Variants in OR1J2 observed in about 807,000 individuals in gnomAD.
OR1J2 encodes olfactory receptor family 1 subfamily J member 2, also known as olfactory receptor 1J2.
For synonymous variants in OR1J2, 142 were observed against 99.7 expected (o/e 1.42, Z -2.52); for missense variants, 304 against 246.1 (o/e 1.24, Z -1.57).
chr9:122,523,495 C>T, the OR1J2 span, among the ~76,000 whole-genome samples: 6 of 152,018 alleles, frequency 3.9e-5, no homozygotes, highest in East Asian at 1.9e-4. Context: ...GGCAATGGAT[C>T]GGAGTGCCTT....
the OR1J2 span, among the ~76,000 whole-genome samples, chr9:122,537,838 C>A: frequency 1.3e-5 from 2 of 152,134 alleles, no homozygotes; most frequent in Admixed American, 1.3e-4. Context: ...GAGAACAGCT[C>A]TCTGCAGCAG....
At chr9:122,569,382 T>TC in the OR1J2 span, among the ~76,000 whole-genome samples, 1 of 137,280 alleles carries the variant, frequency 7.3e-6, no homozygotes, top group Non-Finnish European at 1.6e-5. Context: ...ATATTTTTCA[T>TC]CCCGATCCAG....
At chr9:122,477,964 G>A in the OR1J2 span, 2 of 1,405,614 alleles carry the variant, frequency 1.4e-6, no homozygotes, top group African/African-American at 1.4e-5. Flanking sequence ...AAATTTGAAG[G>A]AAAAAAATGG....
At chr9:122,506,667 T>TA, upstream of OR1J2, among the ~76,000 whole-genome samples, 1 of 152,004 alleles carries the variant, frequency 6.6e-6, no homozygotes, top group East Asian at 1.9e-4. Context: ...TAAGTGCATA[T>TA]AGACGAGGAA....
At chr9:122,475,497 G>A in the OR1J2 span, among the ~76,000 whole-genome samples, 2 of 152,144 alleles carry the variant, frequency 1.3e-5, no homozygotes, top group African/African-American at 4.8e-5. Context: ...CTGTTAGGAG[G>A]ATTTGGGGTT....
the OR1J2 span, among the ~76,000 whole-genome samples, chr9:122,547,596 T>C: frequency 6.6e-6 from 1 of 151,480 alleles, no homozygotes; most frequent in Non-Finnish European, 1.5e-5. Context: ...CTTGATTTCA[T>C]TTTTTATGGC....
Position 122,511,355 on chromosome 9 carries a change from T to C in OR1J2, c.554T>C (p.Leu185Pro). 1 of 733,476 alleles carries C rather than the reference T, an allele frequency of 1.4e-6. No individual in the cohort carries two copies. The allele number at this position is 733,476 out of a possible 1,614,324, so 45.4% of individuals were successfully genotyped here. The stretch of plus-strand genomic sequence containing the variant: ...GTCTTCTGTGACCTTGCTGCCCTGC[T>C]CAAGCTGTCCTGCTCAGATATCTTC... Reference protein sequence around the residue: ...PHVFCDLAALLKLSCSDIFLN... With the variant: ...PHVFCDLAALPKLSCSDIFLN... The change falls in exon 1 of 1, where the codon CTC becomes CCC. Residue 185 changes from leucine (L) to proline (P), a missense_variant. Leu to Pro is a moderately conservative substitution (Grantham distance 98). Transcript: ENST00000335302.
chr9:122,484,195 C>G, the OR1J2 span, among the ~76,000 whole-genome samples: 1 of 152,084 alleles, frequency 6.6e-6, no homozygotes, highest in African/African-American at 2.4e-5. Flanking sequence ...CAAAGTCTCG[C>G]TCTGTCGCCA....
the OR1J2 span, among the ~76,000 whole-genome samples, chr9:122,534,797 T>G: frequency 6.6e-6 from 1 of 152,140 alleles, no homozygotes; most frequent in East Asian, 1.9e-4. Context: ...GAACAGAGAC[T>G]AGGGAGGAAC....
the OR1J2 span, among the ~76,000 whole-genome samples, chr9:122,565,338 G>T: frequency 6.6e-6 from 1 of 152,342 alleles, no homozygotes; most frequent in South Asian, 2.1e-4. Context: ...GACCTCAGAA[G>T]GGGAGGTTTT....
chr9:122,477,128 T>C, the OR1J2 span: 1 of 1,613,816 alleles, frequency 6.2e-7, no homozygotes, highest in African/African-American at 1.3e-5. Flanking sequence ...TTGTCATTGG[T>C]GTTGCTGGAT....
the OR1J2 span, among the ~76,000 whole-genome samples, chr9:122,544,180 A>C: frequency 6.6e-6 from 1 of 151,910 alleles, no homozygotes; most frequent in East Asian, 1.9e-4. Flanking sequence ...CTTAGATTAA[A>C]ATTTTTTTAA....
the OR1J2 span, among the ~76,000 whole-genome samples, chr9:122,541,207 A>C: frequency 6.6e-6 from 1 of 152,174 alleles, no homozygotes; most frequent in African/African-American, 2.4e-5. Context: ...AACTCTGTGC[A>C]GGGCAATTTT....
At chr9:122,571,443 G>T in the OR1J2 span, among the ~76,000 whole-genome samples, 1 of 151,822 alleles carries the variant, frequency 6.6e-6, no homozygotes, top group Admixed American at 6.6e-5. Context: ...CCAGCTACTC[G>T]GTAGGCTGAG....
the OR1J2 span, among the ~76,000 whole-genome samples, chr9:122,530,162 A>G: frequency 6.6e-6 from 1 of 152,234 alleles, no homozygotes; most frequent in Non-Finnish European, 1.5e-5. Context: ...TGTAAAGCCA[A>G]GTTAAGGCCA....
the OR1J2 span, among the ~76,000 whole-genome samples, chr9:122,490,902 A>G: frequency 5.9e-5 from 9 of 152,186 alleles, no homozygotes; most frequent in South Asian, 2.1e-4. Context: ...GATAATGAGC[A>G]TGTGTTTGCA....
the OR1J2 span, among the ~76,000 whole-genome samples, chr9:122,505,321 T>G: frequency 0.01 from 1,574 of 152,304 alleles, 27 homozygotes; most frequent in South Asian, 0.031. Flanking sequence ...GTTCAGGGCA[T>G]CACATAATAA....
chr9:122,570,872 A>T, the OR1J2 span, among the ~76,000 whole-genome samples: 1 of 152,318 alleles, frequency 6.6e-6, no homozygotes, highest in South Asian at 2.1e-4. Flanking sequence ...GCATCTCACT[A>T]AATTCCGTAA....
At chr9:122,570,004 T>G in the OR1J2 span, among the ~76,000 whole-genome samples, 1 of 149,760 alleles carries the variant, frequency 6.7e-6, no homozygotes, top group African/African-American at 2.5e-5. Flanking sequence ...ACAAAGGACA[T>G]GAACTCATCA....
Sources: allele counts gnomAD v4.1 joint callset (sites outside exome capture counted in the v4.1 genomes callset), GRCh38; gene constraint gnomAD v4.1.1; transcripts MANE v1.5; gene names NCBI Gene and HGNC (gene_info 2026-07-23, HGNC 2026-07-21).